Variants in SLIT2 observed in about 807,000 individuals in gnomAD.
SLIT2 encodes slit guidance ligand 2.
A neutral mutation model predicts 185.7 loss-of-function variants in SLIT2; 41 were observed. The ratio of observed to expected loss-of-function variants is 0.22; its 90% CI spans 0.17 to 0.29. The LOEUF (loss-of-function observed/expected upper bound fraction) is 0.29. Ranked by LOEUF, SLIT2 falls within the 10% of genes least tolerant of loss-of-function variation. SLIT2 has a pLI of 1.00. For missense variants in SLIT2, 1,571 were observed against 1,909.0 expected (o/e 0.82, Z 3.30); for synonymous variants, 693 against 680.2 (o/e 1.02, Z -0.29).
intron 5 of SLIT2, among the ~76,000 whole-genome samples, chr4:20,474,732 A>C (rs1715913848): frequency 6.6e-6 from 1 of 152,032 alleles, no homozygotes; most frequent in South Asian, 2.1e-4. Context: ...TAGCCTGCTA[A>C]TTGAATTTTG....
intron 4 of SLIT2, among the ~76,000 whole-genome samples, chr4:20,276,964 G>A (rs1714231371): frequency 1.3e-5 from 2 of 152,280 alleles, no homozygotes; most frequent in South Asian, 4.1e-4. Context: ...TGCTCAAAGT[G>A]TTACCTAGGT....
intron 4 of SLIT2, among the ~76,000 whole-genome samples, chr4:20,376,493 CTT>C (rs1724033069): frequency 6.6e-6 from 1 of 151,998 alleles, no homozygotes; most frequent in African/African-American, 2.4e-5. Flanking sequence ...TTCAACTTGA[CTT>C]TTAATGGTGC....
At chr4:20,295,529 C>G (rs902231968) in intron 4 of SLIT2, among the ~76,000 whole-genome samples, 5 of 152,138 alleles carry the variant, frequency 3.3e-5, no homozygotes, top group African/African-American at 1.2e-4. Flanking sequence ...AAGTGAAGGG[C>G]AGATGACCGT....
chr4:20,601,163 G>A (rs951858787), intron 33 of SLIT2, among the ~76,000 whole-genome samples: 5 of 152,112 alleles, frequency 3.3e-5, no homozygotes, highest in African/African-American at 4.8e-5. Flanking sequence ...CCATTTCAAT[G>A]TCATTACCAC....
Position 20,253,886 on chromosome 4 carries a change from C to T in SLIT2, c.71C>T (p.Ala24Val), listed in dbSNP as rs1281328013. ...GLVLAILNKV[A>V]PQACPAQCSC... ...GTGCTGGCGATCCTGAACAAGGTGGCACCGCAGGCGTGCCCGGCGCAGTGC... is the reference window on the plus strand; with the variant it reads ...GTGCTGGCGATCCTGAACAAGGTGGTACCGCAGGCGTGCCCGGCGCAGTGC... The change falls in exon 1 of 37, where the codon GCA (alanine) becomes GTA (valine). Residue 24 changes from alanine to valine, a missense_variant. By Grantham distance (64) the Ala-to-Val change is moderately conservative (BLOSUM62 0). This residue lies in a region of SLIT2 where 1,202 missense variants were observed against 1,416.4 expected (regional missense o/e 0.85). Coordinates refer to ENST00000504154, the MANE Select transcript of SLIT2 (RefSeq NM_004787.4). 4.4e-6 allele frequency: 7 copies of T among 1,601,380 alleles called. No individual in the cohort carries two copies. The highest frequency in any genetic ancestry group is 5.9e-6 in the Non-Finnish European group (7 of 1,179,922).
intron 9 of SLIT2, among the ~76,000 whole-genome samples, chr4:20,509,474 A>G (rs1363810196): frequency 1.3e-5 from 2 of 152,028 alleles, no homozygotes; most frequent in African/African-American, 4.8e-5. Context: ...AAGGGAAGAA[A>G]TATCCTGGCT....
At chr4:20,305,462 C>G (rs776743584) in intron 4 of SLIT2, among the ~76,000 whole-genome samples, 8 of 152,104 alleles carry the variant, frequency 5.3e-5, no homozygotes, top group Non-Finnish European at 1.2e-4. Flanking sequence ...TGTATGGGAA[C>G]CCCCTATTCA....
chr4:20,570,192 A>G (rs1725449249), intron 29 of SLIT2, among the ~76,000 whole-genome samples: 1 of 152,102 alleles, frequency 6.6e-6, no homozygotes, highest in Admixed American at 6.6e-5. Context: ...TAAAGCAGTA[A>G]TAGCATATTA....
At chr4:20,573,712 A>G (rs2148923390) in intron 29 of SLIT2, among the ~76,000 whole-genome samples, 1 of 152,216 alleles carries the variant, frequency 6.6e-6, no homozygotes, top group East Asian at 1.9e-4. Context: ...ATCTTTAGTA[A>G]CATGTAACAT....
At chr4:20,307,691 T>C (rs1398263119) in intron 4 of SLIT2, among the ~76,000 whole-genome samples, 2 of 152,226 alleles carry the variant, frequency 1.3e-5, no homozygotes, top group Non-Finnish European at 2.9e-5. Context: ...AACTAGTATT[T>C]AGTAAGTGCT....
chr4:20,531,602 G>C (rs1023636557), intron 16 of SLIT2, among the ~76,000 whole-genome samples: 1 of 152,076 alleles, frequency 6.6e-6, no homozygotes, highest in Admixed American at 6.5e-5. Context: ...CTGGCATGTG[G>C]TTTGCATTCT....
At position 20,370,781 on chromosome 4, in the gene SLIT2, A is replaced by T. The variant is rs552995646; in HGVS notation, c.396-96971A>T. 2.0e-5 allele frequency among the ~76,000 whole-genome samples: 3 copies of T among 152,258 alleles called. No homozygotes were observed. In the South Asian group the frequency reaches 6.2e-4, roughly 32 times the overall value. ...GCATCCATTAACTTTGTGATCTGCA[A>T]CAGCCAACGTTTCTAGCTATACATT... On this transcript the variant is annotated intron_variant, in intron 4 of 36. Coordinates refer to ENST00000504154, the MANE Select transcript of SLIT2 (RefSeq NM_004787.4).
chr4:20,513,505 T>C (rs1719933362), intron 11 of SLIT2, among the ~76,000 whole-genome samples: 1 of 152,204 alleles, frequency 6.6e-6, no homozygotes, highest in Non-Finnish European at 1.5e-5. Flanking sequence ...CCACAGTTAA[T>C]ATGTTCAAAA....
At chr4:20,286,755 T>G (rs1349476739) in intron 4 of SLIT2, among the ~76,000 whole-genome samples, 1 of 152,174 alleles carries the variant, frequency 6.6e-6, no homozygotes, top group African/African-American at 2.4e-5. Flanking sequence ...TGAGCTGAGA[T>G]CGTGCCATTG....
intron 4 of SLIT2, among the ~76,000 whole-genome samples, chr4:20,321,323 G>A (rs1025533383): frequency 6.6e-5 from 10 of 152,240 alleles, no homozygotes; most frequent in Admixed American, 2.6e-4. Context: ...ACTATCTTTC[G>A]TATTTGCCAC....
At chr4:20,397,843 T>C (rs1248952381) in intron 4 of SLIT2, among the ~76,000 whole-genome samples, 1 of 151,766 alleles carries the variant, frequency 6.6e-6, no homozygotes, top group Non-Finnish European at 1.5e-5. Flanking sequence ...TTGTCGGAAT[T>C]GTACACATTA....
intron 11 of SLIT2, among the ~76,000 whole-genome samples, chr4:20,512,614 C>G (rs901308200): frequency 1.3e-5 from 2 of 152,078 alleles, no homozygotes; most frequent in African/African-American, 4.8e-5. Context: ...CTCAGATCAC[C>G]CAGTCAGATT....
intron 4 of SLIT2, among the ~76,000 whole-genome samples, chr4:20,460,953 C>T: frequency 1.3e-5 from 2 of 152,266 alleles, no homozygotes; most frequent in South Asian, 4.1e-4. Flanking sequence ...ATAATGTAAA[C>T]ACTAATTTAT....
chr4:20,379,726 C>G (rs1490148669), intron 4 of SLIT2, among the ~76,000 whole-genome samples: 2 of 151,972 alleles, frequency 1.3e-5, no homozygotes, highest in Non-Finnish European at 2.9e-5. Flanking sequence ...ACAATAGTTT[C>G]AGAGATTGAA....
Sources: gnomAD v4.1 joint callset for allele counts (sites outside exome capture counted in the v4.1 genomes callset) on GRCh38, gnomAD v4.1.1 for gene constraint, gnomAD v4.1.1 regional missense constraint, MANE v1.5 for transcripts, NCBI Gene and HGNC (gene_info 2026-07-23, HGNC 2026-07-21) for gene names.